Variants in ZNF142 observed in about 807,000 individuals in gnomAD.
The protein encoded by ZNF142 is zinc finger protein 142 (clone pHZ-49).
In ZNF142, 96 loss-of-function variants were observed where a neutral mutation model predicts 132.1. The ratio of observed to expected loss-of-function variants is 0.73; its 90% CI spans 0.62 to 0.86. ZNF142 has a LOEUF of 0.86. Among genes scored for constraint, ZNF142 ranks in the 40% least tolerant of loss-of-function variants. ZNF142 has a pLI of 0.00. For missense variants in ZNF142, 2,163 were observed against 2,336.2 expected (o/e 0.93, Z 1.53); for synonymous variants, 842 against 890.1 (o/e 0.95, Z 0.96).
chr2:218,641,551 T>A (rs1192773282), intron 9 of ZNF142, among the ~76,000 whole-genome samples: 1 of 151,876 alleles, frequency 6.6e-6, no homozygotes, highest in Admixed American at 6.6e-5. Flanking sequence ...GCCTCAATTT[T>A]TTTTTTTAAA....
rs1004739763 is a variant in ZNF142 at position 218,636,982 on chromosome 2, T to C, written c.*1357A>G. On this transcript the variant is annotated 3_prime_UTR_variant, in exon 11 of 11. Coordinates refer to ENST00000411696, the MANE Select transcript of ZNF142 (RefSeq NM_001379659.1). ...ACCTAAAGAAGCATCATCCCCTCCA[T>C]CCCCAACTTCCTCAAAGCCCAAAGC... is the stretch of plus-strand genomic sequence containing the variant. 21 of 450,376 alleles carry C rather than the reference T, an allele frequency of 4.7e-5. No individual in the cohort carries two copies. Among genetic ancestry groups the C allele is most frequent in the South Asian group, 2.8e-4 (18 of 63,292 alleles). The allele number at this position is 450,376 out of a possible 1,614,324, so 27.9% of individuals were successfully genotyped here. A position where few individuals can be genotyped will look rare whatever the true frequency, so the allele number is the denominator to read the frequency against.
chr2:218,646,670 G>A (rs571208370), intron 7 of ZNF142, among the ~76,000 whole-genome samples: 6 of 152,132 alleles, frequency 3.9e-5, no homozygotes, highest in African/African-American at 9.6e-5. Context: ...TGCCAAGCTC[G>A]GCTGCCCGGG....
At chr2:218,640,966 A>C (rs567022230) in intron 9 of ZNF142, among the ~76,000 whole-genome samples, 197 bp from the exon 10 acceptor site, 43 of 144,824 alleles carry the variant, frequency 3.0e-4, no homozygotes, top group Non-Finnish European at 6.1e-4. Context: ...ACAGGGTCTC[A>C]CTCTGTTGCC....
Position 218,633,620 on chromosome 2 carries a change from T to G in ZNF142, c.*4719A>C. ...CCTTCTCCAGAAATCCAAGCCCATCTTGTGTCCAGCCCTCTCTTCCCTGGT... is the reference window on the plus strand; with the variant it reads ...CCTTCTCCAGAAATCCAAGCCCATCGTGTGTCCAGCCCTCTCTTCCCTGGT... On this transcript the variant is annotated 3_prime_UTR_variant, in exon 11 of 11. Transcript: ENST00000411696. 1 of 1,613,702 alleles carries G rather than the reference T, an allele frequency of 6.2e-7. No homozygotes were observed. The highest frequency in any genetic ancestry group is 1.7e-5 in the Admixed American group (1 of 60,022).
At chr2:218,651,663 A>T (rs1362764588) in intron 5 of ZNF142, 38 bp downstream of exon 5, 1 of 1,232,696 alleles carries the variant, frequency 8.1e-7, no homozygotes, top group African/African-American at 1.6e-5. Context: ...CTGTGGCTGA[A>T]CTCCAGGAGA....
At chr2:218,641,519 C>A (rs1697193794) in intron 9 of ZNF142, among the ~76,000 whole-genome samples, 1 of 152,066 alleles carries the variant, frequency 6.6e-6, no homozygotes, top group Non-Finnish European at 1.5e-5. Context: ...GCTGGGATTA[C>A]AGGCGTGAGC....
At position 218,633,817 on chromosome 2, in the gene ZNF142, G is replaced by C. The variant is rs746703087; in HGVS notation, c.*4522C>G. ...AAGTGGGATGGATAGGTTCAGGCCT[G>C]ATGGACTGGCAGGTAAGTCCCAAGA... On this transcript the variant is annotated 3_prime_UTR_variant, in exon 11 of 11. Transcript: ENST00000411696. 1 of 1,589,026 alleles carries C rather than the reference G, an allele frequency of 6.3e-7. No individual in the cohort carries two copies. Among genetic ancestry groups the C allele is most frequent in the Non-Finnish European group, 8.6e-7 (1 of 1,161,650 alleles).
At position 218,659,602 on chromosome 2, in the gene ZNF142, G is replaced by C. The variant is rs1379574537; in HGVS notation, c.-595C>G. 1 of 152,296 alleles carries C rather than the reference G, an allele frequency of 6.6e-6. No homozygotes were observed. Among genetic ancestry groups the C allele is most frequent in the African/African-American group, 2.4e-5 (1 of 41,454 alleles). 9.4% of individuals were successfully genotyped at this position (152,296 alleles called of 1,614,324 possible). A position where few individuals can be genotyped will look rare whatever the true frequency, so the allele number is the denominator to read the frequency against. On this transcript the variant is annotated 5_prime_UTR_variant, in exon 1 of 11. Coordinates refer to ENST00000411696, the MANE Select transcript of ZNF142 (RefSeq NM_001379659.1). This position sits in a 1 kb window ranked among gnomAD's most constrained non-coding sequence, Gnocchi z 4.4. The stretch of plus-strand genomic sequence containing the variant: ...CCTGAAGCCGGAGAAGCACCATCGA[G>C]AGCTCTGGGGTAGAGTGGCGTGGGC...
Position 218,656,412 on chromosome 2 carries a change from C to A in ZNF142, c.18G>T (p.Leu6Phe), listed in dbSNP as rs914321546. The stretch of plus-strand genomic sequence containing the variant: ...CGGTGCTACTGGCTGGCTGTGAGTC[C>A]AAAAGGGGGTCTGTCATCACCACCG... MTDPL[L>F]DSQPASSTGE... Residue 6 changes from leucine (L) to phenylalanine (F), a missense_variant, in exon 4 of 11, where the codon TTG (leucine) becomes TTT (phenylalanine). By Grantham distance (22) the Leu-to-Phe change is conservative (BLOSUM62 0). Around this residue, in one of 7 missense-constraint regions of ZNF142, gnomAD observed 195 missense variants for 172.4 expected, o/e 1.13. Coordinates refer to ENST00000411696, the MANE Select transcript of ZNF142 (RefSeq NM_001379659.1). 6 of 1,434,274 alleles carry A rather than the reference C, an allele frequency of 4.2e-6. No individual in the cohort carries two copies. In the Admixed American group the frequency reaches 7.4e-5, roughly 18 times the overall value. The allele number at this position is 1,434,274 out of a possible 1,614,324, so 88.8% of individuals were successfully genotyped here.
chr2:218,642,779 T>C lies in ZNF142; in HGVS notation c.4337A>G (p.His1446Arg). The change falls in exon 9 of 11, where the codon CAC becomes CGC. Residue 1446 changes from histidine (H) to arginine (R), a missense_variant. By Grantham distance (29) the His-to-Arg change is conservative. Coordinates refer to ENST00000411696, the MANE Select transcript of ZNF142 (RefSeq NM_001379659.1). The surrounding 1 kb of genome is among the most constrained non-coding windows in gnomAD (Gnocchi z 4.6). ...TFGTNSKLRL[H>R]RLRVHDKTPT... is the part of the protein sequence containing the mutation. ...TGTTTTGTCATGTACCCTTAACCGG[T>C]GCAAGCGCAGTTTCGAGTTGGTACC... 1 of 1,614,164 alleles carries C rather than the reference T, an allele frequency of 6.2e-7. No individual in the cohort carries two copies. The highest frequency in any genetic ancestry group is 8.5e-7 in the Non-Finnish European group (1 of 1,180,040).
In ZNF142 at chr2:218,634,419, A is replaced by G. The variant is rs1034856212; in HGVS notation, c.*3920T>C. 6.3e-6 allele frequency: 10 copies of G among 1,597,754 alleles called. No homozygotes were observed. The highest frequency in any genetic ancestry group is 8.5e-6 in the Non-Finnish European group (10 of 1,171,536). On this transcript the variant is annotated 3_prime_UTR_variant, in exon 11 of 11. Coordinates refer to ENST00000411696, the MANE Select transcript of ZNF142 (RefSeq NM_001379659.1). This position sits in a 1 kb window ranked among gnomAD's most constrained non-coding sequence, Gnocchi z 4.0. ...CTGAAAGAGGGGCTGGAAGGCCTCC[A>G]TGGTGAATCTTGCTCTTCTTTTCTC...
chr2:218,640,673 T>C lies in ZNF142; in HGVS notation c.5185A>G (p.Lys1729Glu), dbSNP rs757072651. 6.2e-7 allele frequency: 1 copy of C among 1,614,136 alleles called. No homozygotes were observed. The highest frequency in any genetic ancestry group is 1.1e-5 in the South Asian group (1 of 91,082). Residue 1729 changes from lysine to glutamate, a missense_variant, in exon 10 of 11, where the codon AAG becomes GAG. Physicochemically the swap from Lys to Glu is moderately conservative, Grantham distance 56. Transcript: ENST00000411696. ...WVNQLKYHMT[K>E]HTGLKPYQCP... is the part of the protein sequence containing the mutation. ...AACCACACAGACTCACCTGTATGCT[T>C]GGTCATGTGGTATTTCAGCTGGTTG...
chr2:218,650,351 G>A lies in ZNF142; in HGVS notation c.1048+8C>T. The A allele has an allele frequency of 6.2e-7, 1 of 1,614,114 alleles. No individual in the cohort carries two copies. The highest frequency in any genetic ancestry group is 1.3e-5 in the African/African-American group (1 of 75,058). ...CACCAAGGGCTTCAAGCCTCAGAAT[G>A]TCATTACCTTCCAGCCGCTGAGCCC... On this transcript the variant is annotated splice_region_variant and intron_variant, in intron 6 of 10. Transcript: ENST00000411696.
rs1311467135 is a variant in ZNF142, at chr2:218,649,466, A to T, written c.1049-7T>A. 1 of 1,571,824 alleles carries T rather than the reference A, an allele frequency of 6.4e-7. No individual in the cohort carries two copies. Among genetic ancestry groups the T allele is most frequent in the South Asian group, 1.2e-5 (1 of 86,000 alleles). Reference sequence around the variant, plus strand: ...GTGCCAGAGACCACATCCCCTGGGAAAGGGAATACAGAGAGTTGAGAGAGT... The same window carrying T: ...GTGCCAGAGACCACATCCCCTGGGATAGGGAATACAGAGAGTTGAGAGAGT... On this transcript the variant is annotated splice_polypyrimidine_tract_variant and splice_region_variant and intron_variant, in intron 6 of 10. Coordinates refer to ENST00000411696, the MANE Select transcript of ZNF142 (RefSeq NM_001379659.1).
chr2:218,643,497 C>T lies in ZNF142; in HGVS notation c.3619G>A (p.Ala1207Thr), dbSNP rs764471608. 5 of 1,613,768 alleles carry T rather than the reference C, an allele frequency of 3.1e-6. No homozygotes were observed. The African/African-American group carries it at 5.3e-5, about 17-fold the overall frequency. The change falls in exon 9 of 11, where the codon GCA becomes ACA. Residue 1207 changes from alanine to threonine, a missense_variant. Coordinates refer to ENST00000411696, the MANE Select transcript of ZNF142 (RefSeq NM_001379659.1). ...GCCTCTGTGGGTGAGGAGTTTCCTG[C>T]AGGAGGGACTGGGTCAAGGTGGTGC... ...KKHHLDPVPP[A>T]GNSSPTEALK...
chr2:218,650,871 C>T (rs1359733158), intron 5 of ZNF142, among the ~76,000 whole-genome samples: 5 of 152,292 alleles, frequency 3.3e-5, no homozygotes, highest in Non-Finnish European at 5.9e-5. Flanking sequence ...TCTCCTGGCC[C>T]GTTTTCTCTG....
intron 4 of ZNF142, among the ~76,000 whole-genome samples, chr2:218,653,491 C>T (rs922790720): frequency 3.3e-5 from 5 of 151,882 alleles, no homozygotes; most frequent in Admixed American, 1.3e-4. Flanking sequence ...GCAGGAGAAT[C>T]GCTTGAACCT....
rs758156561 is a variant in ZNF142, at chr2:218,634,065, T to G, written c.*4274A>C. The G allele has an allele frequency of 1.3e-6, 2 of 1,566,642 alleles. No homozygotes were observed. The highest frequency in any genetic ancestry group is 1.7e-6 in the Non-Finnish European group (2 of 1,155,050). Reference sequence around the variant, plus strand: ...CCTTGGGACTAGGGAAGTGGGAGATTCCACCCCACTTCCATCTCCCTCTCT... The same window carrying G: ...CCTTGGGACTAGGGAAGTGGGAGATGCCACCCCACTTCCATCTCCCTCTCT... On this transcript the variant is annotated 3_prime_UTR_variant, in exon 11 of 11. Coordinates refer to ENST00000411696, the MANE Select transcript of ZNF142 (RefSeq NM_001379659.1). The surrounding 1 kb of genome is among the most constrained non-coding windows in gnomAD (Gnocchi z 4.0).
chr2:218,647,171 C>G (rs1327167622), intron 7 of ZNF142, among the ~76,000 whole-genome samples: 1 of 151,918 alleles, frequency 6.6e-6, no homozygotes, highest in Non-Finnish European at 1.5e-5. Flanking sequence ...CGCCTGTAAT[C>G]CCAGCATTTT....
Sources: allele counts gnomAD v4.1 joint callset (sites outside exome capture counted in the v4.1 genomes callset), GRCh38; gene constraint gnomAD v4.1.1; regional missense constraint gnomAD v4.1.1; non-coding constraint Gnocchi (gnomAD v3.1); transcripts MANE v1.5; gene names NCBI Gene and HGNC (gene_info 2026-07-23, HGNC 2026-07-21).